ACSL1: variants seen among roughly 807,000 people sequenced by gnomAD.
The protein encoded by ACSL1 is long-chain-fatty-acid--CoA ligase 1.
ACSL1 carries 41 observed loss-of-function variants against 98.4 expected under a neutral mutation model. The observed-to-expected ratio is 0.42, with a 90% confidence interval of 0.32 to 0.54. The LOEUF is 0.54. ACSL1 is among the 20% of genes least tolerant of loss of function. The pLI is 0.13. For synonymous variants in ACSL1, 316 were observed against 322.7 expected, an observed-to-expected ratio of 0.98 and a Z score of 0.22; for missense variants, 734 against 883.1, an observed-to-expected ratio of 0.83 and a Z score of 2.14.
At chr4:184,813,790 G>T (rs924840636) in intron 1 of ACSL1, 3 of 455,276 alleles carry the variant, frequency 6.6e-6, no homozygotes, top group Admixed American at 4.7e-5. Flanking sequence ...CAGCAGAGAG[G>T]ATCAAATGTC....
At position 184,773,119 on chromosome 4, in the gene ACSL1, T is replaced by A; in HGVS notation, c.877A>T (p.Ile293Leu). ...ACAAAAGCTGAACAATCGCTCACTA[T>A]GTTTCGGTGAGTGACCATTGCTCCT... ...PKGAMVTHRNIVSDCSAFVKA... is the reference protein window; with the variant it reads ...PKGAMVTHRNLVSDCSAFVKA... Residue 293 changes from isoleucine (I) to leucine (L), a missense_variant, in exon 10 of 21, where the codon ATA becomes TTA. Coordinates refer to ENST00000281455, the MANE Select transcript of ACSL1 (RefSeq NM_001995.5). This position sits in a 1 kb window ranked among gnomAD's most constrained non-coding sequence, Gnocchi z 4.3. 6.2e-7 allele frequency: 1 copy of A among 1,614,082 alleles called. No individual in the cohort carries two copies. The highest frequency in any genetic ancestry group is 8.5e-7 in the Non-Finnish European group (1 of 1,179,920).
chr4:184,773,699 C>T lies in ACSL1; in HGVS notation c.805G>A (p.Asp269Asn). 1 of 1,610,442 alleles carries T rather than the reference C, an allele frequency of 6.2e-7. No homozygotes were observed. The highest frequency in any genetic ancestry group is 8.5e-7 in the Non-Finnish European group (1 of 1,179,040). The change falls in exon 9 of 21, where the codon GAT (aspartate) becomes AAT (asparagine). Residue 269 changes from aspartate to asparagine, a missense_variant. Asp to Asn is a conservative substitution (Grantham distance 23). Transcript: ENST00000281455. This position sits in a 1 kb window ranked among gnomAD's most constrained non-coding sequence, Gnocchi z 4.3. The stretch of plus-strand genomic sequence containing the variant: ...CTTGTGAAACAAATTACTGCAAGAT[C>T]TTCAGGTGCTGGAGGCTAAAGATTA... ...RRKPKPPAPE[D>N]LAVICFTSGT...
At chr4:184,776,108 C>T (rs1311768844) in intron 7 of ACSL1, among the ~76,000 whole-genome samples, 1 of 152,238 alleles carries the variant, frequency 6.6e-6, no homozygotes, top group Non-Finnish European at 1.5e-5. Context: ...GATTTCTATA[C>T]TTGGCTTGGC....
intron 4 of ACSL1, among the ~76,000 whole-genome samples, chr4:184,782,069 T>A (rs1486023066): frequency 6.6e-6 from 1 of 152,174 alleles, no homozygotes. Flanking sequence ...GGGAACAGAC[T>A]GATCGTGGTA....
chr4:184,771,075 G>C (rs1371377402), intron 10 of ACSL1, among the ~76,000 whole-genome samples: 1 of 152,066 alleles, frequency 6.6e-6, no homozygotes, highest in Non-Finnish European at 1.5e-5. Context: ...AGTAAGCCGA[G>C]ATTGCACCAC....
intron 2 of ACSL1, among the ~76,000 whole-genome samples, chr4:184,799,551 A>T (rs1470301733): frequency 6.6e-6 from 1 of 152,120 alleles, no homozygotes; most frequent in Admixed American, 6.6e-5. Flanking sequence ...TCCATTTTCA[A>T]AAGATCCTGC....
intron 18 of ACSL1, among the ~76,000 whole-genome samples, chr4:184,759,630 T>C (rs1233990145): frequency 6.6e-6 from 1 of 151,978 alleles, no homozygotes; most frequent in Non-Finnish European, 1.5e-5. Flanking sequence ...AAAACCACAA[T>C]GAGATACCAT....
rs969495040 is a variant in ACSL1 at position 184,825,020 on chromosome 4, G to C, written c.-33+896C>G. 2 of 201,378 alleles carry C rather than the reference G, an allele frequency of 9.9e-6. No individual in the cohort carries two copies. Among genetic ancestry groups the C allele is most frequent in the Admixed American group, 6.5e-5 (1 of 15,324 alleles). The allele number at this position is 201,378 out of a possible 1,614,324, so 12.5% of individuals were successfully genotyped here. ...AAAAGACAGGGCAGTGAGAGTCGCG[G>C]GACTTTAGACACTCCTGCACCAAGA... is the stretch of plus-strand genomic sequence containing the variant. On this transcript the variant is annotated intron_variant, in intron 1 of 20. Transcript: ENST00000281455. The surrounding 1 kb of genome is among the most constrained non-coding windows in gnomAD (Gnocchi z 4.7).
At chr4:184,826,258 A>G (rs1436204748), upstream of ACSL1, 1 of 151,666 alleles carries the variant, frequency 6.6e-6, no homozygotes, top group Non-Finnish European at 1.5e-5. Flanking sequence ...ACTGCCTCGG[A>G]TTTCATAATG....
chr4:184,763,542 CCT>C (rs1046180158), intron 15 of ACSL1, among the ~76,000 whole-genome samples: 24 of 152,106 alleles, frequency 1.6e-4, no homozygotes, highest in African/African-American at 2.9e-4. Flanking sequence ...CTGGAAGCAG[CCT>C]CTCTCAAACC....
chr4:184,800,460 T>C (rs1770299224), intron 2 of ACSL1, among the ~76,000 whole-genome samples: 4 of 152,194 alleles, frequency 2.6e-5, no homozygotes, highest in South Asian at 4.1e-4. Flanking sequence ...GGGGCTTCAA[T>C]CTCAGAGAAG....
chr4:184,760,690 C>T (rs767728962), intron 17 of ACSL1, among the ~76,000 whole-genome samples, 190 bp from the exon 18 acceptor site: 1 of 152,156 alleles, frequency 6.6e-6, no homozygotes, highest in Non-Finnish European at 1.5e-5. Context: ...AGGAACTTGT[C>T]CAAGGCTATT....
At chr4:184,810,961 A>G (rs755296792) in intron 1 of ACSL1, among the ~76,000 whole-genome samples, 21 of 152,196 alleles carry the variant, frequency 1.4e-4, no homozygotes, top group Non-Finnish European at 3.1e-4. Context: ...CTAGTTCCAC[A>G]TGAGAACAGG....
At chr4:184,811,177 C>T (rs112986615) in intron 1 of ACSL1, among the ~76,000 whole-genome samples, 6,891 of 151,448 alleles carry the variant, frequency 0.046, 189 homozygotes, top group Non-Finnish European at 0.069. Flanking sequence ...GGTGTGATCT[C>T]GGCTCACTGC....
chr4:184,778,382 G>T (rs553397590), intron 5 of ACSL1, among the ~76,000 whole-genome samples: 1 of 152,288 alleles, frequency 6.6e-6, no homozygotes, highest in African/African-American at 2.4e-5. Flanking sequence ...TAGAAATCAG[G>T]TCCCAGCTCC....
rs1347210277 is a variant in ACSL1 at position 184,763,224 on chromosome 4, C to G, written c.1464G>C (p.Leu488Phe). The change falls in exon 16 of 21, where the codon TTG becomes TTC. Residue 488 changes from leucine to phenylalanine, a missense_variant. By Grantham distance (22) the Leu-to-Phe change is conservative. Transcript: ENST00000281455. Reference sequence around the variant, plus strand: ...TTTCTTCCACATCAACAAGTTTTATCAAATTGCACGGCATCGGGGCCCCAA... The same window carrying G: ...TTTCTTCCACATCAACAAGTTTTATGAAATTGCACGGCATCGGGGCCCCAA... ...GHVGAPMPCN[L>F]IKLVDVEEMN... The G allele has an allele frequency of 2.2e-5, 36 of 1,614,106 alleles. No individual in the cohort carries two copies. Among genetic ancestry groups the G allele is most frequent in the Non-Finnish European group, 3.1e-5 (36 of 1,180,012 alleles).
chr4:184,771,705 A>C (rs573519319), intron 10 of ACSL1, among the ~76,000 whole-genome samples: 1 of 152,294 alleles, frequency 6.6e-6, no homozygotes, highest in East Asian at 1.9e-4. Flanking sequence ...CCAACTAAGA[A>C]ATGAGGGCAT....
intron 10 of ACSL1, among the ~76,000 whole-genome samples, chr4:184,772,717 TTAAAA>T (rs1391499491): frequency 6.6e-6 from 1 of 152,192 alleles, no homozygotes; most frequent in Non-Finnish European, 1.5e-5. Context: ...CATTGCCAAT[TTAAAA>T]TAAATTATTT....
chr4:184,783,294 T>C (rs183027398), intron 4 of ACSL1, among the ~76,000 whole-genome samples: 68 of 152,352 alleles, frequency 4.5e-4, no homozygotes, highest in African/African-American at 1.6e-3. Context: ...AGGGCCACCA[T>C]ACTCAGATCC....
Sources: allele counts gnomAD v4.1 joint callset (sites outside exome capture counted in the v4.1 genomes callset), GRCh38; gene constraint gnomAD v4.1.1; non-coding constraint Gnocchi (gnomAD v3.1); transcripts MANE v1.5; gene names NCBI Gene and HGNC (gene_info 2026-07-23, HGNC 2026-07-21).